Variants in DTNB observed in about 807,000 individuals in gnomAD.
DTNB encodes the protein DTN-B.
A neutral mutation model predicts 90.7 loss-of-function variants in DTNB; 63 were observed. The ratio of observed to expected loss-of-function variants is 0.69; its 90% CI spans 0.57 to 0.86. DTNB has a LOEUF of 0.86. DTNB is among the 40% of genes least tolerant of loss of function. The pLI is 0.00. For missense variants in DTNB, 744 were observed against 807.1 expected, an observed-to-expected ratio of 0.92 and a Z score of 0.95; for synonymous variants, 277 against 286.7, an observed-to-expected ratio of 0.97 and a Z score of 0.34.
intron 9 of DTNB, among the ~76,000 whole-genome samples, chr2:25,498,055 G>T (rs2150532314): frequency 6.6e-6 from 1 of 152,254 alleles, no homozygotes; most frequent in Non-Finnish European, 1.5e-5. Context: ...TGCCCAGACA[G>T]CACAGCCTCA....
intron 2 of DTNB, among the ~76,000 whole-genome samples, chr2:25,645,360 A>G (rs1014558192): frequency 2.0e-5 from 3 of 148,976 alleles, no homozygotes; most frequent in African/African-American, 7.6e-5. Context: ...TCCATCACAA[A>G]AAAAAAAAAA....
At position 25,572,663 on chromosome 2, in the gene DTNB, T is replaced by G. The variant is rs187782416; in HGVS notation, c.876+4175A>C. Among the ~76,000 whole-genome samples, 151 of 151,520 alleles carry G rather than the reference T, an allele frequency of 1.0e-3. 1 individual carries two copies. Among genetic ancestry groups the G allele is most frequent in the Admixed American group, 3.3e-3 (51 of 15,240 alleles). The stretch of plus-strand genomic sequence containing the variant: ...ACCAAGTTCTCAGAGGTTTTTTGTT[T>G]TTTTTTTTTTAAATAGTAGTTTTAT... On this transcript the variant is annotated intron_variant, in intron 8 of 20. Coordinates refer to ENST00000406818, the MANE Select transcript of DTNB (RefSeq NM_021907.5).
chr2:25,593,809 G>A (rs2064030209), intron 6 of DTNB, among the ~76,000 whole-genome samples: 1 of 152,066 alleles, frequency 6.6e-6, no homozygotes, highest in South Asian at 2.1e-4. Context: ...TTAAAGATTA[G>A]GTTTATACCC....
At chr2:25,535,511 C>T (rs141736440) in intron 8 of DTNB, among the ~76,000 whole-genome samples, 5,909 of 134,922 alleles carry the variant, frequency 0.044, 357 homozygotes, top group African/African-American at 0.12. Flanking sequence ...TGGGCAGAGG[C>T]GCTCTTCACT....
At chr2:25,523,461 G>A (rs949038975) in intron 9 of DTNB, among the ~76,000 whole-genome samples, 3 of 152,068 alleles carry the variant, frequency 2.0e-5, no homozygotes, top group Middle Eastern at 3.4e-3. Flanking sequence ...CCAACACGGC[G>A]AAACCCCATC....
intron 5 of DTNB, among the ~76,000 whole-genome samples, chr2:25,603,277 G>A (rs902302857): frequency 3.9e-5 from 6 of 152,176 alleles, no homozygotes; most frequent in Non-Finnish European, 7.4e-5. Flanking sequence ...GGGCTTTACA[G>A]TCTACAAATT....
chr2:25,605,269 T>C lies in DTNB; in HGVS notation c.448+1967A>G, dbSNP rs1052499814. ...ACTTGAATCAGATAAACACAGTGATTGGTAACCCAGCACAGTCTGTATCAC... is the reference window on the plus strand; with the variant it reads ...ACTTGAATCAGATAAACACAGTGATCGGTAACCCAGCACAGTCTGTATCAC... On this transcript the variant is annotated intron_variant, in intron 5 of 20. Coordinates refer to ENST00000406818, the MANE Select transcript of DTNB (RefSeq NM_021907.5). Among the ~76,000 whole-genome samples the C allele has an allele frequency of 5.3e-5, 8 of 152,356 alleles. No individual in the cohort carries two copies. In the East Asian group the frequency reaches 1.5e-3, roughly 29 times the overall value.
Position 25,628,346 on chromosome 2 carries a change from G to A in DTNB, c.187C>T (p.Arg63Ter), listed in dbSNP as rs747560185. Reference sequence around the variant, plus strand: ...TCCAGTGTATTAAGGCCATTGTCTCGGAAGGCTTCAATCATGTTCCAGATA... The same window carrying A: ...TCCAGTGTATTAAGGCCATTGTCTCAGAAGGCTTCAATCATGTTCCAGATA... ...VDIWNMIEAF[R>*]DNGLNTLDHT... Residue 63 changes from arginine to a stop codon, truncating the protein, a stop_gained, in exon 4 of 21, where the codon CGA becomes TGA. Transcript: ENST00000406818. LOFTEE classifies it high-confidence loss of function. The A allele has an allele frequency of 1.7e-5, 27 of 1,613,190 alleles. No individual in the cohort carries two copies. In the South Asian group the frequency reaches 2.0e-4, roughly 12 times the overall value.
At chr2:25,597,850 G>T (rs1285109615) in intron 5 of DTNB, among the ~76,000 whole-genome samples, 1 of 152,126 alleles carries the variant, frequency 6.6e-6, no homozygotes, top group Non-Finnish European at 1.5e-5. Context: ...TTTCAATGTA[G>T]CTGGAAAAAT....
intron 16 of DTNB, among the ~76,000 whole-genome samples, chr2:25,396,731 T>TAAAAAAAAAAAAAAAAAAAAAAAA (rs35592591): frequency 2.3e-5 from 2 of 87,630 alleles, no homozygotes; most frequent in East Asian, 3.7e-4. Context: ...TAAAAGGAAC[T>TAAAAAAAAAAAAAAAAAAAAAAAA]AAAAAAAAAA....
At chr2:25,590,073 A>AC (rs1450243500) in intron 6 of DTNB, among the ~76,000 whole-genome samples, 1 of 152,136 alleles carries the variant, frequency 6.6e-6, no homozygotes, top group African/African-American at 2.4e-5. Context: ...AGCTGCTTCC[A>AC]CAGCTGGCAC....
chr2:25,465,375 C>CAA lies in DTNB; in HGVS notation c.1080-9883_1080-9882dup, dbSNP rs34402498. ...TGGGCGACAGAGCGAGACTCCGTCT[C>CAA]AAAAAAAAAAAAAGAAAGAAAAGAA... On this transcript the variant is annotated intron_variant, in intron 10 of 20. Coordinates refer to ENST00000406818, the MANE Select transcript of DTNB (RefSeq NM_021907.5). Among the ~76,000 whole-genome samples, 307 of 140,320 alleles carry CAA rather than the reference C, an allele frequency of 2.2e-3. 2 individuals carry two copies. Among genetic ancestry groups the CAA allele is most frequent in the Admixed American group, 3.8e-3 (53 of 14,124 alleles). The allele number at this position is 140,320 out of a possible 152,430, so 92.1% of individuals were successfully genotyped here. A position where few individuals can be genotyped will look rare whatever the true frequency, so the allele number is the denominator to read the frequency against.
At chr2:25,469,124 G>C (rs1159324265) in intron 10 of DTNB, among the ~76,000 whole-genome samples, 1 of 152,090 alleles carries the variant, frequency 6.6e-6, no homozygotes, top group East Asian at 1.9e-4. Flanking sequence ...ATAAGGGTAG[G>C]GAATGTTATA....
At chr2:25,474,236 G>T (rs2063334276) in intron 10 of DTNB, among the ~76,000 whole-genome samples, 1 of 151,376 alleles carries the variant, frequency 6.6e-6, no homozygotes, top group Non-Finnish European at 1.5e-5. Flanking sequence ...CAACACTAAG[G>T]ACCCTGCAGT....
chr2:25,391,351 C>CTA (rs2041058699), intron 16 of DTNB, among the ~76,000 whole-genome samples: 1 of 152,046 alleles, frequency 6.6e-6, no homozygotes, highest in Non-Finnish European at 1.5e-5. Context: ...TGTTTGCAAA[C>CTA]TATATATGAT....
At chr2:25,486,507 GCT>G (rs2066191140) in intron 9 of DTNB, among the ~76,000 whole-genome samples, 1 of 151,788 alleles carries the variant, frequency 6.6e-6, no homozygotes, top group African/African-American at 2.4e-5. Flanking sequence ...GGTTGCACGT[GCT>G]GTAGTCCTAG....
chr2:25,652,529 A>G (rs2081140114), intron 2 of DTNB, 65 bp downstream of exon 2: 9 of 1,060,094 alleles, frequency 8.5e-6, no homozygotes, highest in Non-Finnish European at 1.2e-5. Flanking sequence ...CTATGACTTG[A>G]TCTAAAAAAA....
At chr2:25,393,284 A>G (rs2041635706) in intron 16 of DTNB, among the ~76,000 whole-genome samples, 1 of 152,212 alleles carries the variant, frequency 6.6e-6, no homozygotes. Context: ...TATACTGAAC[A>G]GGGAAAAGTT....
At chr2:25,582,734 A>C (rs2061736685) in intron 6 of DTNB, among the ~76,000 whole-genome samples, 1 of 152,238 alleles carries the variant, frequency 6.6e-6, no homozygotes, top group Non-Finnish European at 1.5e-5. Flanking sequence ...ATGGTGAAGC[A>C]TGAGAAGTAC....
Sources: allele counts gnomAD v4.1 joint callset (sites outside exome capture counted in the v4.1 genomes callset), GRCh38; gene constraint gnomAD v4.1.1; transcripts MANE v1.5; gene names NCBI Gene and HGNC (gene_info 2026-07-23, HGNC 2026-07-21).